Variants in CISD1 observed in about 807,000 individuals in gnomAD.
CISD1 encodes the protein CDGSH iron sulfur domain 1, also known as CDGSH iron-sulfur domain-containing protein 1.
Under a neutral mutation model 12.0 loss-of-function variants are expected in CISD1, and 8 were observed. The observed-to-expected ratio is 0.67, with a 90% CI of 0.39 to 1.20. The LOEUF (loss-of-function observed/expected upper bound fraction) is 1.20, where lower values mean the gene tolerates loss of function less well. CISD1 is among the 50% of genes most tolerant of loss of function. The probability of loss-of-function intolerance (pLI) is 0.01; values close to 1 mark genes in which losing one functional copy is unlikely to be tolerated. For missense variants in CISD1, 107 were observed against 132.7 expected (o/e 0.81, Z 0.95); for synonymous variants, 38 against 42.2 (o/e 0.90, Z 0.39).
At chr10:58,274,350 T>C (rs1219401650) in intron 1 of CISD1, among the ~76,000 whole-genome samples, 2 of 151,924 alleles carry the variant, frequency 1.3e-5, no homozygotes, top group Non-Finnish European at 2.9e-5. Context: ...TATAGTTTCC[T>C]TTTCCTTTAG....
intron 2 of CISD1, 124 bp downstream of exon 2, chr10:58,277,446 G>GCAAGAC: frequency 7.3e-6 from 5 of 684,920 alleles, no homozygotes; most frequent in Non-Finnish European, 9.4e-6. Flanking sequence ...TTGAGACAGA[G>GCAAGAC]TCTTGCTCTG....
intron 1 of CISD1, among the ~76,000 whole-genome samples, chr10:58,270,299 G>A (rs1839230403): frequency 6.6e-6 from 1 of 152,174 alleles, no homozygotes; most frequent in African/African-American, 2.4e-5. Context: ...ACCTGGCTAA[G>A]GGTGATATTC....
intron 1 of CISD1, among the ~76,000 whole-genome samples, chr10:58,275,630 AG>A (rs1265470154): frequency 2.0e-5 from 3 of 152,234 alleles, no homozygotes; most frequent in African/African-American, 7.2e-5. Flanking sequence ...GAAGGAAAAC[AG>A]TATAAATTAA....
chr10:58,282,865 T>C (rs11812882), intron 2 of CISD1: 9,213 of 152,224 alleles, frequency 0.061, 327 homozygotes, highest in African/African-American at 0.087. Context: ...GTATGGGATG[T>C]AGTATTGCTA....
chr10:58,270,116 G>A (rs983671040), intron 1 of CISD1, among the ~76,000 whole-genome samples: 1 of 152,108 alleles, frequency 6.6e-6, no homozygotes, highest in Non-Finnish European at 1.5e-5. Context: ...ACGCCACTTC[G>A]CAAGGTTTTG....
At position 58,288,649 on chromosome 10, in the gene CISD1, G is replaced by A. The variant is rs772438211; in HGVS notation, c.*999G>A. On this transcript the variant is annotated 3_prime_UTR_variant, in exon 3 of 3. Coordinates refer to ENST00000333926, the MANE Select transcript of CISD1 (RefSeq NM_018464.5). ...TAATATTCTTCAAAGACTCCGAGCA[G>A]AAACATTGCATTCATTGTTGATTCA... 1 of 152,006 alleles carries A rather than the reference G, an allele frequency of 6.6e-6. No homozygotes were observed. Among genetic ancestry groups the A allele is most frequent in the Non-Finnish European group, 1.5e-5 (1 of 67,914 alleles). 9.4% of individuals were successfully genotyped at this position (152,006 alleles called of 1,614,324 possible).
intron 2 of CISD1, among the ~76,000 whole-genome samples, chr10:58,280,644 T>A (rs142759887): frequency 1.5e-4 from 23 of 152,328 alleles, no homozygotes; most frequent in African/African-American, 5.5e-4. Context: ...GGAATGCAAC[T>A]GATCTTTGAT....
rs533210839 is a variant in CISD1, at chr10:58,270,881, T to C, written c.31+1577T>C. Among the ~76,000 whole-genome samples the C allele has an allele frequency of 2.0e-5, 3 of 152,254 alleles. No homozygotes were observed. The South Asian group carries it at 6.2e-4, about 32-fold the overall frequency. ...TTTGTTAGGAGGAGTGATTATTTTT[T>C]GAGACAGAGTCTCACTCAGTGGCCC... is the stretch of plus-strand genomic sequence containing the variant. On this transcript the variant is annotated intron_variant, in intron 1 of 2. Coordinates refer to ENST00000333926, the MANE Select transcript of CISD1 (RefSeq NM_018464.5).
chr10:58,280,030 T>C (rs899156454), intron 2 of CISD1, among the ~76,000 whole-genome samples: 2 of 152,214 alleles, frequency 1.3e-5, no homozygotes, highest in Admixed American at 1.3e-4. Context: ...GAAAGCATAG[T>C]CATATACTTG....
chr10:58,276,747 C>CT (rs72357438), intron 1 of CISD1, among the ~76,000 whole-genome samples: 8,967 of 130,698 alleles, frequency 0.069, 326 homozygotes, highest in African/African-American at 0.099. Flanking sequence ...TGTTTCGGGG[C>CT]TTTTTTTTTT....
At chr10:58,275,428 G>A (rs1229465882) in intron 1 of CISD1, among the ~76,000 whole-genome samples, 1 of 151,708 alleles carries the variant, frequency 6.6e-6, no homozygotes, top group African/African-American at 2.4e-5. Flanking sequence ...CCATGAAGCA[G>A]CACTAAAGTT....
rs1283654180 is a variant in CISD1 at position 58,289,429 on chromosome 10, G to C, written c.*1779G>C. ...GTATACATATGGCAAAATTATAAAT[G>C]ACCACCTTACTGTGAAATATAGATC... On this transcript the variant is annotated 3_prime_UTR_variant, in exon 3 of 3. Transcript: ENST00000333926. 1.3e-5 allele frequency: 2 copies of C among 152,018 alleles called. No homozygotes were observed. Among genetic ancestry groups the C allele is most frequent in the Admixed American group, 6.6e-5 (1 of 15,262 alleles). 9.4% of individuals were successfully genotyped at this position (152,018 alleles called of 1,614,324 possible).
intron 1 of CISD1, among the ~76,000 whole-genome samples, chr10:58,275,837 C>CT (rs1839309667): frequency 6.6e-6 from 1 of 151,968 alleles, no homozygotes; most frequent in Admixed American, 6.6e-5. Context: ...GAGAATGATC[C>CT]TTTATATTAC....
intron 2 of CISD1, among the ~76,000 whole-genome samples, chr10:58,286,062 G>A (rs918084064): frequency 6.6e-6 from 1 of 151,908 alleles, no homozygotes; most frequent in Non-Finnish European, 1.5e-5. Flanking sequence ...AAAATTAGCC[G>A]GGCGTAGTGG....
chr10:58,278,016 C>G (rs1225597240), intron 2 of CISD1, among the ~76,000 whole-genome samples: 1 of 152,130 alleles, frequency 6.6e-6, no homozygotes, highest in African/African-American at 2.4e-5. Context: ...ATATAGGATC[C>G]TAAAATCTTA....
intron 2 of CISD1, chr10:58,282,957 G>C (rs2132283602): frequency 6.6e-6 from 1 of 152,290 alleles, no homozygotes; most frequent in East Asian, 1.9e-4. Context: ...TTCAAACAAG[G>C]ACAGCAAAAG....
chr10:58,283,385 A>G (rs1417576773), intron 2 of CISD1, among the ~76,000 whole-genome samples: 3 of 152,218 alleles, frequency 2.0e-5, no homozygotes, highest in Non-Finnish European at 4.4e-5. Context: ...ATAAAATGTC[A>G]TAATCTCTAG....
At chr10:58,280,503 C>T (rs1157372596) in intron 2 of CISD1, among the ~76,000 whole-genome samples, 1 of 152,080 alleles carries the variant, frequency 6.6e-6, no homozygotes, top group East Asian at 1.9e-4. Context: ...TTTTCCAGGA[C>T]AGCGATAAGG....
intron 1 of CISD1, among the ~76,000 whole-genome samples, chr10:58,274,848 CA>C (rs1442755496): frequency 6.6e-6 from 1 of 151,774 alleles, no homozygotes; most frequent in African/African-American, 2.4e-5. Flanking sequence ...GTGCAGTTGG[CA>C]AATTACATGA....
Sources: allele counts gnomAD v4.1 joint callset (sites outside exome capture counted in the v4.1 genomes callset), GRCh38; gene constraint gnomAD v4.1.1; transcripts MANE v1.5; gene names NCBI Gene and HGNC (gene_info 2026-07-23, HGNC 2026-07-21).